Variants in RPTOR observed in about 807,000 individuals in gnomAD.
RPTOR encodes the protein regulatory associated protein of MTOR complex 1, also known as regulatory-associated protein of mTOR.
Under a neutral mutation model 169.9 loss-of-function variants are expected in RPTOR, and 21 were observed. That is an observed-to-expected ratio of 0.12 (90% confidence interval 0.09 to 0.18). RPTOR has a LOEUF of 0.18. Among genes scored for constraint, RPTOR ranks in the 10% least tolerant of loss-of-function variants. The pLI is 1.00. For synonymous variants in RPTOR, 732 were observed against 753.2 expected (o/e 0.97, Z 0.46); for missense variants, 1,133 against 1,855.9 (o/e 0.61, Z 7.16).
chr17:80,785,840 C>A (rs2066985461), intron 6 of RPTOR, among the ~76,000 whole-genome samples: 2 of 152,146 alleles, frequency 1.3e-5, no homozygotes, highest in African/African-American at 4.8e-5. Context: ...GATGGCGAGA[C>A]CTCCAGGGAA....
At chr17:80,611,483 T>A (rs182583643) in intron 1 of RPTOR, among the ~76,000 whole-genome samples, 1 of 152,126 alleles carries the variant, frequency 6.6e-6, no homozygotes, top group African/African-American at 2.4e-5. Context: ...GCCAGGCTGG[T>A]CTTGAACTCC....
intron 2 of RPTOR, among the ~76,000 whole-genome samples, chr17:80,630,291 A>G (rs1377900434): frequency 6.6e-6 from 1 of 152,222 alleles, no homozygotes. Context: ...GAATGAGGTA[A>G]GTTGCATAGT....
rs2066287055 is a variant in RPTOR, at chr17:80,721,567, T to C, written c.508-8993T>C. On this transcript the variant is annotated intron_variant, in intron 4 of 33. Coordinates refer to ENST00000306801, the MANE Select transcript of RPTOR (RefSeq NM_020761.3). This position sits in a 1 kb window ranked among gnomAD's most constrained non-coding sequence, Gnocchi z 4.7. ...GCGCTGCAGTTTGCAGGAGCATCCT[T>C]TGGGCTCTTACCTCAGTCGGTGGGG... is the stretch of plus-strand genomic sequence containing the variant. Among the ~76,000 whole-genome samples, 1 of 151,276 alleles carries C rather than the reference T, an allele frequency of 6.6e-6. No homozygotes were observed. Among genetic ancestry groups the C allele is most frequent in the African/African-American group, 2.5e-5 (1 of 40,582 alleles).
Position 80,942,293 on chromosome 17 carries a change from C to A in RPTOR, c.3025+1692C>A, listed in dbSNP as rs571281112. Among the ~76,000 whole-genome samples the A allele has an allele frequency of 7.9e-5, 12 of 151,656 alleles. No homozygotes were observed. The South Asian group carries it at 2.5e-3, about 32-fold the overall frequency. ...GAGTCTGCCTCACACAGTTCAACATCTGAAGATGAGCTGGCCCCTGATGGC... is the reference window on the plus strand; with the variant it reads ...GAGTCTGCCTCACACAGTTCAACATATGAAGATGAGCTGGCCCCTGATGGC... On this transcript the variant is annotated intron_variant, in intron 25 of 33. Transcript: ENST00000306801.
At chr17:80,687,106 C>A (rs1184959958) in intron 3 of RPTOR, among the ~76,000 whole-genome samples, 1 of 152,192 alleles carries the variant, frequency 6.6e-6, no homozygotes, top group African/African-American at 2.4e-5. Context: ...AGGGCAGGCC[C>A]CTTTTCTGCA....
At chr17:80,847,029 G>T (rs542510466) in intron 11 of RPTOR, among the ~76,000 whole-genome samples, 1 of 152,374 alleles carries the variant, frequency 6.6e-6, no homozygotes, top group East Asian at 1.9e-4. Flanking sequence ...GGGAGAGGAG[G>T]GAGGAGGCTC....
At chr17:80,780,780 G>C (rs576760515) in intron 6 of RPTOR, among the ~76,000 whole-genome samples, 5 of 151,954 alleles carry the variant, frequency 3.3e-5, no homozygotes, top group Admixed American at 6.5e-5. Flanking sequence ...CCTCCCCCCG[G>C]GGGGCCTCAC....
chr17:80,807,459 T>C (rs375191912), intron 7 of RPTOR, among the ~76,000 whole-genome samples: 4 of 152,280 alleles, frequency 2.6e-5, no homozygotes, highest in African/African-American at 9.6e-5. Flanking sequence ...CAAGTGATTC[T>C]CCTGCGTCAG....
intron 4 of RPTOR, among the ~76,000 whole-genome samples, chr17:80,729,749 G>A (rs192758874): frequency 1.3e-5 from 2 of 152,344 alleles, no homozygotes; most frequent in Non-Finnish European, 2.9e-5. Context: ...TGTAAATGAT[G>A]TGTGTGTTGT....
chr17:80,842,841 G>A (rs894192841), intron 10 of RPTOR, among the ~76,000 whole-genome samples: 9 of 152,152 alleles, frequency 5.9e-5, no homozygotes, highest in Admixed American at 3.3e-4. Flanking sequence ...GTGAATGCTC[G>A]GCTTACTGGT....
chr17:80,801,542 T>TCAGAGGC (rs1280815189), intron 7 of RPTOR: 2 of 152,140 alleles, frequency 1.3e-5, no homozygotes, highest in African/African-American at 2.4e-5. Context: ...AGCACTCGTG[T>TCAGAGGC]CAGAGGCACA....
At chr17:80,855,167 A>T (rs1353577130) in intron 11 of RPTOR, among the ~76,000 whole-genome samples, 1 of 152,266 alleles carries the variant, frequency 6.6e-6, no homozygotes, top group African/African-American at 2.4e-5. Flanking sequence ...GTCTGAGTTC[A>T]TATACCTAAA....
At chr17:80,614,706 C>T (rs2065296054) in intron 1 of RPTOR, among the ~76,000 whole-genome samples, 1 of 152,190 alleles carries the variant, frequency 6.6e-6, no homozygotes, top group Non-Finnish European at 1.5e-5. Context: ...TCTCACTGCT[C>T]AGATCTTAAA....
In RPTOR at chr17:80,646,557, G is replaced by A. The variant is rs9912277; in HGVS notation, c.348+2747G>A. On this transcript the variant is annotated intron_variant, in intron 3 of 33. Transcript: ENST00000306801. The surrounding 1 kb of genome is among the most constrained non-coding windows in gnomAD (Gnocchi z 5.0). ...GCACTTAGCAAACTCAGATGTTTGT[G>A]TGCAAGGGGCCTGGTTCCTGACTGT... 2.0e-5 allele frequency among the ~76,000 whole-genome samples: 3 copies of A among 152,090 alleles called. No individual in the cohort carries two copies. Among genetic ancestry groups the A allele is most frequent in the Admixed American group, 2.0e-4 (3 of 15,284 alleles).
intron 17 of RPTOR, among the ~76,000 whole-genome samples, chr17:80,891,287 C>T (rs940364285): frequency 6.6e-5 from 10 of 152,278 alleles, no homozygotes; most frequent in African/African-American, 1.4e-4. Flanking sequence ...CCGCTGCACT[C>T]GGCCCTGGGG....
At chr17:80,706,242 A>C (rs2066140894) in intron 3 of RPTOR, among the ~76,000 whole-genome samples, 1 of 152,094 alleles carries the variant, frequency 6.6e-6, no homozygotes, top group East Asian at 1.9e-4. Context: ...GTGTGGCCCC[A>C]GCACTTTCAC....
At chr17:80,704,142 A>G (rs1354150602) in intron 3 of RPTOR, among the ~76,000 whole-genome samples, 1 of 152,132 alleles carries the variant, frequency 6.6e-6, no homozygotes, top group Admixed American at 6.5e-5. Context: ...CTACCTATCC[A>G]CCTGAAGACG....
chr17:80,799,841 A>G (rs1423271229), intron 7 of RPTOR, among the ~76,000 whole-genome samples: 1 of 152,134 alleles, frequency 6.6e-6, no homozygotes, highest in Non-Finnish European at 1.5e-5. Context: ...TGCAGGTGCC[A>G]GGTGGTGATC....
chr17:80,636,315 C>T (rs78716724), intron 2 of RPTOR, among the ~76,000 whole-genome samples: 1,597 of 152,276 alleles, frequency 0.01, 25 homozygotes, highest in African/African-American at 0.037. Context: ...TACGTCACAG[C>T]GCCTCAAGCA....
Sources: gnomAD v4.1 joint callset for allele counts (sites outside exome capture counted in the v4.1 genomes callset) on GRCh38, gnomAD v4.1.1 for gene constraint, Gnocchi (gnomAD v3.1) non-coding constraint, MANE v1.5 for transcripts, NCBI Gene and HGNC (gene_info 2026-07-23, HGNC 2026-07-21) for gene names.